The following PWP1 variants were observed in gnomAD, a reference collection of about 807,000 sequenced individuals.
The protein encoded by PWP1 is PWP1 homolog, endonuclein, also known as periodic tryptophan protein 1 homolog.
A neutral mutation model predicts 69.9 loss-of-function variants in PWP1; 47 were observed. That is an observed-to-expected ratio of 0.67 (90% CI 0.53 to 0.86). PWP1 has a LOEUF of 0.86. PWP1 is among the 40% of genes least tolerant of loss of function. The pLI is 0.00. For missense variants in PWP1, 551 were observed against 608.8 expected (o/e 0.91, Z 1.00); for synonymous variants, 222 against 208.2 (o/e 1.07, Z -0.57).
rs1436991728 is a variant in PWP1 at position 107,688,739 on chromosome 12, A to G, written c.256A>G (p.Thr86Ala). 1 of 1,614,230 alleles carries G rather than the reference A, an allele frequency of 6.2e-7. No homozygotes were observed. The highest frequency in any genetic ancestry group is 1.1e-5 in the South Asian group (1 of 91,086). The change falls in exon 3 of 15, where the codon ACG becomes GCG. Residue 86 changes from threonine (T) to alanine (A), a missense_variant. Physicochemically the swap from Thr to Ala is moderately conservative, Grantham distance 58. Coordinates refer to ENST00000412830, the MANE Select transcript of PWP1 (RefSeq NM_007062.3). ...GGATGGTGACCCAGAGGATGACAGG[A>G]CGCTTGATGATGATGAGCTGGCTGA... Reference protein sequence around the residue: ...LEDGDPEDDRTLDDDELAEYD... With the variant: ...LEDGDPEDDRALDDDELAEYD...
At chr12:107,687,273 A>G (rs1040674736) in intron 1 of PWP1, among the ~76,000 whole-genome samples, 3 of 152,202 alleles carry the variant, frequency 2.0e-5, no homozygotes, top group Admixed American at 2.0e-4. Context: ...TGTTACATTT[A>G]TAGAATAGGG....
chr12:107,704,530 A>T, intron 10 of PWP1, 106 bp from the exon 11 acceptor site: 1 of 750,440 alleles, frequency 1.3e-6, no homozygotes, highest in Non-Finnish European at 2.2e-6. Context: ...AACAGGCTTT[A>T]AATGAATCTT....
intron 11 of PWP1, among the ~76,000 whole-genome samples, chr12:107,706,083 C>T (rs887052037): frequency 1.2e-4 from 18 of 152,106 alleles, no homozygotes; most frequent in African/African-American, 2.9e-4. Context: ...TTTTAATGAT[C>T]GCCATTCTAA....
At chr12:107,710,096 A>G (rs903364716) in intron 13 of PWP1, among the ~76,000 whole-genome samples, 2 of 152,204 alleles carry the variant, frequency 1.3e-5, no homozygotes, top group African/African-American at 4.8e-5. Flanking sequence ...CTGGAAATAC[A>G]TGGCACATTA....
At chr12:107,698,738 G>A (rs10861766) in intron 7 of PWP1, among the ~76,000 whole-genome samples, 1 of 151,940 alleles carries the variant, frequency 6.6e-6, no homozygotes, top group Admixed American at 6.5e-5. Flanking sequence ...GACTATAGGC[G>A]TATGCTGCCA....
chr12:107,696,735 C>G (rs1438250100), intron 6 of PWP1, 151 bp downstream of exon 6: 1 of 1,300,174 alleles, frequency 7.7e-7, no homozygotes, highest in African/African-American at 1.5e-5. Context: ...GAGTTCTTAA[C>G]ACACCATCAC....
At chr12:107,688,044 A>G (rs1272109652) in intron 1 of PWP1, among the ~76,000 whole-genome samples, 3 of 148,408 alleles carry the variant, frequency 2.0e-5, no homozygotes, top group South Asian at 4.2e-4. Context: ...AAAAAAAAAA[A>G]AAAAAAAAAA....
intron 11 of PWP1, among the ~76,000 whole-genome samples, chr12:107,705,851 A>G (rs76001780): frequency 9.7e-6 from 1 of 103,042 alleles, no homozygotes. Context: ...ATGTGCACAT[A>G]TGCACATACG....
At position 107,693,101 on chromosome 12, in the gene PWP1, G is replaced by A. The variant is rs774054728; in HGVS notation, c.502+5G>A. ...AGTGCAATTTAGAGGTGCATGGTAA[G>A]TGATAAATCCCTTATTAAAAGATTT... is the stretch of plus-strand genomic sequence containing the variant. On this transcript the variant is annotated splice_donor_5th_base_variant and intron_variant, in intron 5 of 14. Transcript: ENST00000412830. 5 of 1,589,120 alleles carry A rather than the reference G, an allele frequency of 3.1e-6. No individual in the cohort carries two copies. The highest frequency in any genetic ancestry group is 1.2e-5 in the South Asian group (1 of 86,184).
Position 107,703,670 on chromosome 12 carries a change from G to A in PWP1, c.904-15G>A, listed in dbSNP as rs767542936. On this transcript the variant is annotated splice_polypyrimidine_tract_variant and intron_variant, in intron 9 of 14. Transcript: ENST00000412830. ...AACCAACAGAGATCTCTGCATTTAT[G>A]TTTCCTCCCTTTAGGTCCAAACACT... is the stretch of plus-strand genomic sequence containing the variant. The A allele has an allele frequency of 6.3e-7, 1 of 1,589,020 alleles. No individual in the cohort carries two copies. The highest frequency in any genetic ancestry group is 8.6e-7 in the Non-Finnish European group (1 of 1,157,436).
chr12:107,703,176 C>T (rs1489914443), intron 9 of PWP1, 145 bp downstream of exon 9: 21 of 650,162 alleles, frequency 3.2e-5, no homozygotes, highest in South Asian at 1.9e-5. Flanking sequence ...TTAGGATTTT[C>T]ACAAAGCCCT....
rs539743277 is a variant in PWP1 at position 107,707,413 on chromosome 12, G to C, written c.1078-1513G>C. On this transcript the variant is annotated intron_variant, in intron 11 of 14. Transcript: ENST00000412830. ...TTCTTTCTCCTGCCTGATTGCCCTG[G>C]CCAGAACTTCCAACACTGTGTTGAA... Among the ~76,000 whole-genome samples, 7 of 152,260 alleles carry C rather than the reference G, an allele frequency of 4.6e-5. No individual in the cohort carries two copies. In the East Asian group the frequency reaches 1.3e-3, roughly 29 times the overall value.
rs756067972 is a variant in PWP1 at position 107,704,726 on chromosome 12, C to T, written c.1056C>T (p.His352=). The T allele has an allele frequency of 3.1e-6, 5 of 1,613,658 alleles. No homozygotes were observed. The highest frequency in any genetic ancestry group is 4.2e-6 in the Non-Finnish European group (5 of 1,179,760). The change falls in exon 11 of 15, where the codon CAC becomes CAT. Residue 352 remains histidine (H), a synonymous_variant. Coordinates refer to ENST00000412830, the MANE Select transcript of PWP1 (RefSeq NM_007062.3). ...AGATAGAGAGAGTGACTTGGAATCA[C>T]TTTTCACCTTGTCATTTCTTGGTAA... The part of the protein sequence containing the change: ...SGQIERVTWN[H]FSPCHFLAST...
Position 107,699,383 on chromosome 12 carries a change from C to T in PWP1, c.755C>T (p.Ala252Val). The change falls in exon 8 of 15, where the codon GCA becomes GTA. Residue 252 changes from alanine (A) to valine (V), a missense_variant. By Grantham distance (64) the Ala-to-Val change is moderately conservative (BLOSUM62 0). Coordinates refer to ENST00000412830, the MANE Select transcript of PWP1 (RefSeq NM_007062.3). ...AAACAATTATTACAGAGTTCCTCAG[C>T]AGAAGGGCATACCGATGCTGTCCTT... ...KKKKGKKSSS[A>V]EGHTDAVLDL... 1 of 1,612,400 alleles carries T rather than the reference C, an allele frequency of 6.2e-7. No individual in the cohort carries two copies. The highest frequency in any genetic ancestry group is 8.5e-7 in the Non-Finnish European group (1 of 1,178,690).
intron 5 of PWP1, among the ~76,000 whole-genome samples, chr12:107,696,268 A>C (rs1489369476): frequency 6.6e-6 from 1 of 151,972 alleles, no homozygotes; most frequent in Non-Finnish European, 1.5e-5. Flanking sequence ...CCTGACCTCA[A>C]GTGATCCGCC....
chr12:107,708,789 A>C, intron 11 of PWP1, 137 bp from the exon 12 acceptor site: 2 of 794,136 alleles, frequency 2.5e-6, no homozygotes, highest in Non-Finnish European at 4.0e-6. Context: ...CCAAAAGTAA[A>C]TGATTTCTGT....
At chr12:107,689,249 CTT>C (rs1437197630) in intron 3 of PWP1, among the ~76,000 whole-genome samples, 4 of 152,112 alleles carry the variant, frequency 2.6e-5, no homozygotes, top group African/African-American at 9.7e-5. Context: ...AAGTACAGTA[CTT>C]TGGGAGAGAT....
chr12:107,710,384 A>G lies in PWP1; in HGVS notation c.1291-21A>G, dbSNP rs948990779. 12 of 1,611,660 alleles carry G rather than the reference A, an allele frequency of 7.4e-6. No homozygotes were observed. In the African/African-American group the frequency reaches 9.4e-5, roughly 13 times the overall value. On this transcript the variant is annotated intron_variant, in intron 13 of 14. Transcript: ENST00000412830. Reference sequence around the variant, plus strand: ...GCTTTCTGAAGAGATTGAAATCACCATCTTCCTGTTCTCTCTCTAGGGAGT... The same window carrying G: ...GCTTTCTGAAGAGATTGAAATCACCGTCTTCCTGTTCTCTCTCTAGGGAGT...
At chr12:107,690,749 C>T (rs773199766) in intron 3 of PWP1, among the ~76,000 whole-genome samples, 3 of 151,956 alleles carry the variant, frequency 2.0e-5, no homozygotes, top group Non-Finnish European at 4.4e-5. Flanking sequence ...GAGGGAGAGT[C>T]GAAAATGACA....
Sources: allele counts gnomAD v4.1 joint callset (sites outside exome capture counted in the v4.1 genomes callset), GRCh38; gene constraint gnomAD v4.1.1; transcripts MANE v1.5; gene names NCBI Gene and HGNC (gene_info 2026-07-23, HGNC 2026-07-21).